The following ERCC6 variants were observed in gnomAD, a reference collection of about 807,000 sequenced individuals.
ERCC6 encodes ERCC excision repair 6, chromatin remodeling factor, also known as DNA excision repair protein ERCC-6.
Under a neutral mutation model 158.7 loss-of-function variants are expected in ERCC6, and 116 were observed. That is an observed-to-expected ratio of 0.73 (90% CI 0.63 to 0.85). The LOEUF is 0.85. Among genes scored for constraint, ERCC6 ranks in the 40% least tolerant of loss-of-function variants. The pLI is 0.00. For synonymous variants in ERCC6, 678 were observed against 659.3 expected (o/e 1.03, Z -0.43); for missense variants, 1,698 against 1,799.4 (o/e 0.94, Z 1.02).
intron 5 of ERCC6, among the ~76,000 whole-genome samples, chr10:49,514,604 A>G (rs1836895040): frequency 6.6e-6 from 1 of 152,234 alleles, no homozygotes; most frequent in African/African-American, 2.4e-5. Context: ...GTCTGTAAGG[A>G]AAAAGCTGTG....
intron 18 of ERCC6, among the ~76,000 whole-genome samples, chr10:49,466,934 C>T (rs1425433270): frequency 6.6e-6 from 1 of 152,000 alleles, no homozygotes; most frequent in Non-Finnish European, 1.5e-5. Context: ...TCCAGACACC[C>T]ACCATCATGC....
Position 49,470,427 on chromosome 10 carries a change from A to G in ERCC6, c.3533T>C (p.Phe1178Ser). 1 of 1,614,060 alleles carries G rather than the reference A, an allele frequency of 6.2e-7. No homozygotes were observed. The highest frequency in any genetic ancestry group is 8.5e-7 in the Non-Finnish European group (1 of 1,179,998). The stretch of plus-strand genomic sequence containing the variant: ...TTTTGTTTTTGACTTGTGCTTATAA[A>G]AATTATTTTCCATTTGTTTATTCTC... ...FWENKQMENNFYKHKSKTKHH... is the reference protein window; with the variant it reads ...FWENKQMENNSYKHKSKTKHH... The change falls in exon 18 of 21, where the codon TTT becomes TCT. Residue 1178 changes from phenylalanine to serine, a missense_variant. Coordinates refer to ENST00000355832, the MANE Select transcript of ERCC6 (RefSeq NM_000124.4).
chr10:49,514,516 A>G (rs1296573245), intron 5 of ERCC6, among the ~76,000 whole-genome samples: 2 of 152,228 alleles, frequency 1.3e-5, no homozygotes, highest in Non-Finnish European at 2.9e-5. Context: ...CTCAAAATTC[A>G]AAACAGACCT....
intron 11 of ERCC6, among the ~76,000 whole-genome samples, chr10:49,477,730 C>A (rs1184656536): frequency 1.3e-5 from 2 of 152,172 alleles, no homozygotes; most frequent in Admixed American, 6.5e-5. Context: ...CTATGAAGGC[C>A]CCAAAGCACT....
intron 18 of ERCC6, among the ~76,000 whole-genome samples, chr10:49,469,948 GAGTGGCCATA>G (rs1850743032): frequency 6.6e-6 from 1 of 152,216 alleles, no homozygotes; most frequent in African/African-American, 2.4e-5. Flanking sequence ...CACCTCCCAT[GAGTGGCCATA>G]AGTACTATTG....
At chr10:49,490,906 T>C (rs1366242287) in intron 8 of ERCC6, among the ~76,000 whole-genome samples, 1 of 152,178 alleles carries the variant, frequency 6.6e-6, no homozygotes, top group Non-Finnish European at 1.5e-5. Context: ...TCACAGCTGA[T>C]AAGGAAGTCA....
At position 49,458,839 on chromosome 10, in the gene ERCC6, C is replaced by T; in HGVS notation, c.4458G>A (p.Trp1486Ter). 6.2e-7 allele frequency: 1 copy of T among 1,614,134 alleles called. No homozygotes were observed. Among genetic ancestry groups the T allele is most frequent in the Non-Finnish European group, 8.5e-7 (1 of 1,180,030 alleles). Residue 1486 changes from tryptophan to a stop codon, truncating the protein, a stop_gained, in exon 21 of 21, where the codon TGG becomes TGA. Coordinates refer to ENST00000355832, the MANE Select transcript of ERCC6 (RefSeq NM_000124.4). LOFTEE classifies it high-confidence loss of function. ...FHRTSGGEGI[W>*]KLKPEYC ...TTTAGCAGTATTCTGGCTTGAGTTTCCAAATTCCTTCACCACCAGAAGTTC... is the reference window on the plus strand; with the variant it reads ...TTTAGCAGTATTCTGGCTTGAGTTTTCAAATTCCTTCACCACCAGAAGTTC...
At chr10:49,480,341 A>G (rs1334821356) in intron 10 of ERCC6, among the ~76,000 whole-genome samples, 2 of 152,224 alleles carry the variant, frequency 1.3e-5, no homozygotes, top group African/African-American at 4.8e-5. Flanking sequence ...CCCCTACTGG[A>G]CTGGAAATAC....
intron 1 of ERCC6, 83 bp from the exon 2 acceptor site, chr10:49,533,061 A>G: frequency 6.8e-7 from 1 of 1,463,400 alleles, no homozygotes; most frequent in South Asian, 1.3e-5. Context: ...GAGCAGACTG[A>G]TTTCTCAAAA....
At position 49,459,235 on chromosome 10, in the gene ERCC6, C is replaced by T; in HGVS notation, c.4063-1G>A. The T allele has an allele frequency of 6.2e-7, 1 of 1,613,912 alleles. No homozygotes were observed. Among genetic ancestry groups the T allele is most frequent in the Non-Finnish European group, 8.5e-7 (1 of 1,179,990 alleles). On this transcript the variant is annotated splice_acceptor_variant, in intron 20 of 20. Transcript: ENST00000355832. LOFTEE classifies it high-confidence loss of function. ...TTCCCTCCTTTTTCATGATGCCATC[C>T]TATAAAAAGAAGACCACTATACTGA...
the ERCC6 span, among the ~76,000 whole-genome samples, chr10:49,441,508 A>G: frequency 7.2e-5 from 11 of 152,094 alleles, no homozygotes; most frequent in African/African-American, 2.7e-4. Context: ...CTCTTAGTAA[A>G]CTCGGGACAG....
At position 49,532,890 on chromosome 10, in the gene ERCC6, A is replaced by G; in HGVS notation, c.75T>C (p.Asn25=). Residue 25 remains asparagine, a synonymous_variant, in exon 2 of 21, where the codon AAT becomes AAC. Coordinates refer to ENST00000355832, the MANE Select transcript of ERCC6 (RefSeq NM_000124.4). ...CTTGCTTGATTGCCATTTCTTCATT[A>G]TTACTGACAGGTTGACTCTGTAAAC... ...QDCLQSQPVS[N]NEEMAIKQES... The G allele has an allele frequency of 6.2e-7, 1 of 1,614,180 alleles. No individual in the cohort carries two copies. The highest frequency in any genetic ancestry group is 1.3e-5 in the African/African-American group (1 of 75,042).
chr10:49,534,133 C>CAAAAAAAAAAAAAAAAAAAAA (rs746772551), intron 1 of ERCC6, among the ~76,000 whole-genome samples: 2 of 60,316 alleles, frequency 3.3e-5, no homozygotes, highest in African/African-American at 7.0e-5. Flanking sequence ...GACTCAATCT[C>CAAAAAAAAAAAAAAAAAAAAA]AAAAAAAAAA....
the ERCC6 span, among the ~76,000 whole-genome samples, chr10:49,441,448 T>C: frequency 6.6e-6 from 1 of 152,196 alleles, no homozygotes; most frequent in African/African-American, 2.4e-5. Context: ...TATTCTAAAA[T>C]GCGATTGTTG....
chr10:49,507,500 T>G (rs377509822), intron 5 of ERCC6, among the ~76,000 whole-genome samples: 1 of 152,228 alleles, frequency 6.6e-6, no homozygotes, highest in Non-Finnish European at 1.5e-5. Context: ...CAATCTCTTC[T>G]TCTCCACTGG....
chr10:49,482,924 C>T (rs1435147644), intron 9 of ERCC6, 61 bp from the exon 10 acceptor site: 7 of 1,554,036 alleles, frequency 4.5e-6, no homozygotes, highest in Admixed American at 1.7e-5. Context: ...GCCATTCCTA[C>T]CCTAAAACGC....
intron 5 of ERCC6, among the ~76,000 whole-genome samples, chr10:49,509,656 G>T (rs1851502091): frequency 6.6e-6 from 1 of 152,102 alleles, no homozygotes; most frequent in African/African-American, 2.4e-5. Flanking sequence ...CTTAAAATTG[G>T]TAGGGAGTGG....
chr10:49,532,980 T>C lies in ERCC6; in HGVS notation c.-14-2A>G, dbSNP rs760663515. 4 of 1,613,950 alleles carry C rather than the reference T, an allele frequency of 2.5e-6. No homozygotes were observed. Among genetic ancestry groups the C allele is most frequent in the Admixed American group, 3.3e-5 (2 of 59,994 alleles). Reference sequence around the variant, plus strand: ...CATTTGGCATTCTCTACAGACTACCTAAAAGGAAAAAAATTTATAAGCCTT... The same window carrying C: ...CATTTGGCATTCTCTACAGACTACCCAAAAGGAAAAAAATTTATAAGCCTT... On this transcript the variant is annotated splice_acceptor_variant, in intron 1 of 20. Coordinates refer to ENST00000355832, the MANE Select transcript of ERCC6 (RefSeq NM_000124.4). LOFTEE classifies it low-confidence loss of function (5UTR_SPLICE).
chr10:49,532,117 T>C (rs759192051), intron 2 of ERCC6, among the ~76,000 whole-genome samples: 1 of 152,168 alleles, frequency 6.6e-6, no homozygotes, highest in African/African-American at 2.4e-5. Context: ...TCTGAAAAAT[T>C]GCCCAAGGAC....
Sources: gnomAD v4.1 joint callset for allele counts (sites outside exome capture counted in the v4.1 genomes callset) on GRCh38, gnomAD v4.1.1 for gene constraint, MANE v1.5 for transcripts, NCBI Gene and HGNC (gene_info 2026-07-23, HGNC 2026-07-21) for gene names.